GPC4: variants seen among roughly 807,000 people sequenced by gnomAD.
GPC4 encodes glypican 4.
GPC4 carries 10 observed loss-of-function variants against 35.0 expected under a neutral mutation model. The observed-to-expected ratio is 0.29, with a 90% CI of 0.18 to 0.48. GPC4 has a LOEUF of 0.48. GPC4 is among the 20% of genes least tolerant of loss of function. The probability of loss-of-function intolerance (pLI) is 0.99; values close to 1 mark genes in which losing one functional copy is unlikely to be tolerated. For missense variants in GPC4, 322 were observed against 451.3 expected (o/e 0.71, Z 2.60); for synonymous variants, 167 against 170.2 (o/e 0.98, Z 0.15).
intron 2 of GPC4, among the ~76,000 whole-genome samples, chrX:133,327,959 A>G (rs1383017415): frequency 1.8e-5 from 2 of 110,376 alleles, no homozygotes; most frequent in African/African-American, 3.3e-5. Context: ...AGTGGCTCTT[A>G]TGGGCTCAAA....
chrX:133,372,503 T>C (rs761150121), intron 1 of GPC4, among the ~76,000 whole-genome samples: 1 of 110,936 alleles, frequency 9.0e-6, no homozygotes. Flanking sequence ...TCTGCCTTGA[T>C]AGTTGAAAGT....
At position 133,397,147 on chromosome X, in the gene GPC4, G is replaced by A. The variant is rs751620128; in HGVS notation, c.160+17659C>T. 2.7e-5 allele frequency among the ~76,000 whole-genome samples: 3 copies of A among 112,232 alleles called. 1 individual carries two copies. The highest frequency in any genetic ancestry group is 1.9e-5 in the Non-Finnish European group (1 of 53,281). Reference sequence around the variant, plus strand: ...CTGTTTCTAAACTAAAGCAGAGGCCGGGCACAGCAGCTCACACCTGTAATC... The same window carrying A: ...CTGTTTCTAAACTAAAGCAGAGGCCAGGCACAGCAGCTCACACCTGTAATC... On this transcript the variant is annotated intron_variant, in intron 1 of 8. Transcript: ENST00000370828.
intron 1 of GPC4, among the ~76,000 whole-genome samples, chrX:133,342,195 C>T (rs1569346850): frequency 9.2e-6 from 1 of 108,848 alleles, no homozygotes; most frequent in Non-Finnish European, 1.9e-5. Flanking sequence ...CACCACCATG[C>T]CTGGCTAATT....
chrX:133,366,851 A>G (rs1822570460), intron 1 of GPC4, among the ~76,000 whole-genome samples: 1 of 112,012 alleles, frequency 8.9e-6, no homozygotes, highest in Non-Finnish European at 1.9e-5. Context: ...GCTTTCCACA[A>G]TCAATCAGAT....
intron 4 of GPC4, 122 bp from the exon 5 acceptor site, chrX:133,306,276 C>A (rs1056649803): frequency 6.7e-6 from 5 of 748,708 alleles, no homozygotes; most frequent in Non-Finnish European, 9.9e-6. Context: ...GGAAGTAAGG[C>A]ATGGATCATA....
At chrX:133,393,143 C>T (rs1011419067) in intron 1 of GPC4, among the ~76,000 whole-genome samples, 3 of 112,033 alleles carry the variant, frequency 2.7e-5, no homozygotes, top group South Asian at 3.7e-4. Flanking sequence ...AGGGTTATTA[C>T]GAGCTCCTCC....
chrX:133,348,041 G>A, intron 1 of GPC4, among the ~76,000 whole-genome samples: 1 of 112,191 alleles, frequency 8.9e-6, no homozygotes, highest in Non-Finnish European at 1.9e-5. Context: ...ATTTTTCTAA[G>A]AATAACTTTA....
chrX:133,368,111 A>G (rs772531400), intron 1 of GPC4, among the ~76,000 whole-genome samples: 1 of 112,075 alleles, frequency 8.9e-6, no homozygotes, highest in Non-Finnish European at 1.9e-5. Context: ...GTGAGACCCC[A>G]TCTCTTTTTT....
At chrX:133,386,234 CAAAA>C (rs1297804504) in intron 1 of GPC4, among the ~76,000 whole-genome samples, 2 of 36,092 alleles carry the variant, frequency 5.5e-5, no homozygotes, top group Non-Finnish European at 5.9e-5. Flanking sequence ...GACCCTGTCT[CAAAA>C]AAAAAAAAAA....
At chrX:133,367,685 T>C (rs1290417431) in intron 1 of GPC4, among the ~76,000 whole-genome samples, 3 of 110,969 alleles carry the variant, frequency 2.7e-5, no homozygotes, top group Non-Finnish European at 5.7e-5. Flanking sequence ...CTGGGCAACA[T>C]AGCAAGGCCC....
intron 3 of GPC4, among the ~76,000 whole-genome samples, chrX:133,317,839 T>C (rs1474132578): frequency 9.9e-6 from 1 of 101,135 alleles, no homozygotes; most frequent in Non-Finnish European, 2.0e-5. Flanking sequence ...AACAATTTCC[T>C]AACCAGTTTT....
At chrX:133,398,150 C>T (rs1174723930) in intron 1 of GPC4, among the ~76,000 whole-genome samples, 1 of 111,596 alleles carries the variant, frequency 9.0e-6, no homozygotes, top group Non-Finnish European at 1.9e-5. Flanking sequence ...TAAAGTAGGG[C>T]TCACCTTAGT....
intron 1 of GPC4, among the ~76,000 whole-genome samples, chrX:133,339,608 T>A (rs1370171678): frequency 1.8e-5 from 2 of 112,111 alleles, no homozygotes; most frequent in Non-Finnish European, 3.8e-5. Flanking sequence ...ATAAACAATA[T>A]AATATTCCAT....
chrX:133,301,785 T>G lies in GPC4; in HGVS notation c.*1082A>C, dbSNP rs909466909. The G allele has an allele frequency of 4.5e-5, 5 of 112,222 alleles. No individual in the cohort carries two copies. The highest frequency in any genetic ancestry group is 1.6e-4 in the African/African-American group (5 of 30,859). The allele number at this position is 112,222 out of a possible 1,213,427, so 9.2% of individuals were successfully genotyped here. A position where few individuals can be genotyped will look rare whatever the true frequency, so the allele number is the denominator to read the frequency against. The stretch of plus-strand genomic sequence containing the variant: ...ATCCCAAAACAAATGGAGATACACA[T>G]GCACAGACAAAAACTTTGCCCGAGT... On this transcript the variant is annotated 3_prime_UTR_variant, in exon 9 of 9. Transcript: ENST00000370828.
chrX:133,349,483 T>G (rs866971892), intron 1 of GPC4, among the ~76,000 whole-genome samples: 9 of 112,577 alleles, frequency 8.0e-5, no homozygotes, highest in Middle Eastern at 9.3e-3. Flanking sequence ...AACAGCTGAA[T>G]TTGCTGCAAG....
At chrX:133,324,073 C>T (rs2068379116) in intron 3 of GPC4, 72 bp downstream of exon 3, 2 of 1,095,156 alleles carry the variant, frequency 1.8e-6, no homozygotes, top group Non-Finnish European at 2.4e-6. Context: ...ATTTTTCTAC[C>T]TTTCCCAAAC....
In GPC4 at chrX:133,324,352, G is replaced by A. The variant is rs1304592709; in HGVS notation, c.504C>T (p.Leu168=). ...EEMLNDFWAR[L]LERMFRLVNS... ...TCACCAGGCGGAACATCCGCTCCAG[G>A]AGGCGAGCCCAGAAGTCATTTAGCA... Residue 168 remains leucine (L), a synonymous_variant, in exon 3 of 9, where the codon CTC becomes CTT. Coordinates refer to ENST00000370828, the MANE Select transcript of GPC4 (RefSeq NM_001448.3). The A allele has an allele frequency of 8.3e-7, 1 of 1,209,596 alleles. No homozygotes were observed. Among genetic ancestry groups the A allele is most frequent in the African/African-American group, 1.8e-5 (1 of 57,128 alleles).
intron 1 of GPC4, among the ~76,000 whole-genome samples, chrX:133,354,467 G>T (rs753179991): frequency 8.9e-6 from 1 of 112,251 alleles, no homozygotes; most frequent in South Asian, 3.6e-4. Context: ...AGTACCAGAA[G>T]TATGAAAGAA....
chrX:133,304,482 C>G (rs1023762448), intron 7 of GPC4, among the ~76,000 whole-genome samples: 5 of 111,662 alleles, frequency 4.5e-5, no homozygotes, highest in Non-Finnish European at 9.4e-5. Context: ...TGGAACAGCC[C>G]TAATACGAGA....
Sources: allele counts gnomAD v4.1 joint callset (sites outside exome capture counted in the v4.1 genomes callset), GRCh38; gene constraint gnomAD v4.1.1; transcripts MANE v1.5; gene names NCBI Gene and HGNC (gene_info 2026-07-23, HGNC 2026-07-21).